Variants in TRAM2 observed in about 807,000 individuals in gnomAD.
The protein encoded by TRAM2 is translocation associated membrane protein 2.
Under a neutral mutation model 51.0 loss-of-function variants are expected in TRAM2, and 12 were observed. The observed-to-expected ratio is 0.24, with a 90% CI of 0.15 to 0.38. The LOEUF (loss-of-function observed/expected upper bound fraction) is 0.38, where lower values mean the gene tolerates loss of function less well. Ranked by LOEUF, TRAM2 falls within the 10% of genes least tolerant of loss-of-function variation. The pLI is 1.00. For synonymous variants in TRAM2, 175 were observed against 179.4 expected (o/e 0.98, Z 0.20); for missense variants, 361 against 462.0 (o/e 0.78, Z 2.00).
intron 7 of TRAM2, 40 bp from the exon 8 acceptor site, chr6:52,506,176 T>A: frequency 6.4e-7 from 1 of 1,574,002 alleles, no homozygotes. Context: ...CCCTCCAAGA[T>A]GCTGCGTGGA....
chr6:52,556,376 G>A (rs1354988376), intron 1 of TRAM2, among the ~76,000 whole-genome samples: 1 of 151,880 alleles, frequency 6.6e-6, no homozygotes, highest in Non-Finnish European at 1.5e-5. Context: ...CACCTCCCGG[G>A]TTCAAGTGAT....
chr6:52,554,141 A>G (rs369363501), intron 1 of TRAM2, among the ~76,000 whole-genome samples: 2 of 151,940 alleles, frequency 1.3e-5, no homozygotes, highest in Non-Finnish European at 2.9e-5. Flanking sequence ...GAACCCCTCA[A>G]TGTTACCACC....
intron 1 of TRAM2, among the ~76,000 whole-genome samples, chr6:52,560,585 G>A (rs1471724893): frequency 1.3e-5 from 2 of 152,170 alleles, no homozygotes; most frequent in African/African-American, 2.4e-5. Context: ...TATTTCAAAC[G>A]AAGTCTGCCG....
chr6:52,522,842 C>T (rs1389832235), intron 2 of TRAM2: 9 of 696,526 alleles, frequency 1.3e-5, no homozygotes, highest in Non-Finnish European at 2.1e-5. Context: ...CCTCCTGCTC[C>T]GTTTCCTATG....
intron 1 of TRAM2, among the ~76,000 whole-genome samples, chr6:52,543,473 G>A (rs189498392): frequency 1.3e-5 from 2 of 152,252 alleles, no homozygotes; most frequent in Admixed American, 1.3e-4. Flanking sequence ...AGAACAAAAT[G>A]TTTTTACTTT....
intron 2 of TRAM2, among the ~76,000 whole-genome samples, chr6:52,526,154 C>CACAG (rs1766776352): frequency 6.0e-3 from 3 of 500 alleles, no homozygotes; most frequent in African/African-American, 0.022. Context: ...CACAGACAGA[C>CACAG]ACACACACAC....
chr6:52,576,883 C>A lies in TRAM2; in HGVS notation c.33G>T (p.Pro11=), dbSNP rs770678358. 4 of 1,613,346 alleles carry A rather than the reference C, an allele frequency of 2.5e-6. No individual in the cohort carries two copies. In the South Asian group the frequency reaches 4.4e-5, roughly 18 times the overall value. Residue 11 remains proline (P), a synonymous_variant, in exon 1 of 11, where the codon CCG becomes CCT. Coordinates refer to ENST00000182527, the MANE Select transcript of TRAM2 (RefSeq NM_012288.4). MAFRRRTKSY[P]LFSQEFVIHN... is the part of the protein sequence containing the mutation. The stretch of plus-strand genomic sequence containing the variant: ...GGATGACGAACTCCTGGCTGAAGAG[C>A]GGGTAACTTTTCGTCCTCCTGCGGA...
At chr6:52,573,424 G>A (rs189271284) in intron 1 of TRAM2, among the ~76,000 whole-genome samples, 17 of 152,268 alleles carry the variant, frequency 1.1e-4, no homozygotes, top group East Asian at 3.9e-4. Context: ...CAGACTTAAC[G>A]GTGGAAAGGA....
intron 2 of TRAM2, among the ~76,000 whole-genome samples, chr6:52,526,454 T>C (rs536100845): frequency 6.6e-6 from 1 of 152,294 alleles, no homozygotes; most frequent in Middle Eastern, 3.4e-3. Flanking sequence ...TGGCACAATC[T>C]CAGCTCACTG....
At chr6:52,534,843 T>TC (rs944457014) in intron 2 of TRAM2, among the ~76,000 whole-genome samples, 14 of 152,192 alleles carry the variant, frequency 9.2e-5, no homozygotes, top group Admixed American at 8.5e-4. Context: ...GCCTTGCTGC[T>TC]CCTTGAGCTG....
chr6:52,504,742 C>T lies in TRAM2; in HGVS notation c.888G>A (p.Leu296=). 1 of 1,606,910 alleles carries T rather than the reference C, an allele frequency of 6.2e-7. No homozygotes were observed. The highest frequency in any genetic ancestry group is 8.5e-7 in the Non-Finnish European group (1 of 1,177,928). ...AGGCCTGGGCGGCACACACCAGCAG[C>T]AGCACGCAGAGCCTGCAGAGCAGGG... ...FNTLFCRLCV[L]LLVCAAQAWL... Residue 296 remains leucine (L), a synonymous_variant, in exon 10 of 11, where the codon CTG becomes CTA. Transcript: ENST00000182527.
chr6:52,558,389 C>T (rs577307532), intron 1 of TRAM2, among the ~76,000 whole-genome samples: 2 of 152,226 alleles, frequency 1.3e-5, no homozygotes, highest in African/African-American at 4.8e-5. Context: ...TCTGTCTTCC[C>T]CATTAGACTG....
intron 5 of TRAM2, among the ~76,000 whole-genome samples, 178 bp from the exon 6 acceptor site, chr6:52,508,496 T>C (rs972408956): frequency 2.0e-5 from 3 of 152,344 alleles, no homozygotes; most frequent in Admixed American, 1.3e-4. Flanking sequence ...GGCTTCTCCA[T>C]TGGCCTGTGC....
chr6:52,571,854 C>T (rs1449543007), intron 1 of TRAM2, among the ~76,000 whole-genome samples: 3 of 152,216 alleles, frequency 2.0e-5, no homozygotes, highest in Non-Finnish European at 4.4e-5. Context: ...AAGTCAGTAC[C>T]AATAGTCATC....
chr6:52,552,987 C>T (rs963471242), intron 1 of TRAM2, among the ~76,000 whole-genome samples: 8 of 152,152 alleles, frequency 5.3e-5, no homozygotes, highest in Admixed American at 2.6e-4. Flanking sequence ...TCATTTGCCA[C>T]CAGCCTGTAG....
At position 52,516,010 on chromosome 6, in the gene TRAM2, A is replaced by T. The variant is rs749967299; in HGVS notation, c.407T>A (p.Val136Glu). The T allele has an allele frequency of 1.5e-5, 25 of 1,614,014 alleles. No homozygotes were observed. The East Asian group carries it at 5.3e-4, about 35-fold the overall frequency. ...GCAGTCCTGAGAATGGCTCACCGTC[A>T]CCACCACGTAGAAGCACCAAATCAC... ...TSVIWCFYVV[V>E]TEGYLTNPRS... Residue 136 changes from valine (V) to glutamate (E), a missense_variant, in exon 4 of 11, where the codon GTG becomes GAG. Transcript: ENST00000182527.
chr6:52,518,754 C>T (rs1409389692), intron 2 of TRAM2, among the ~76,000 whole-genome samples: 2 of 152,154 alleles, frequency 1.3e-5, no homozygotes, highest in African/African-American at 4.8e-5. Context: ...CTCCACTCTA[C>T]CACATGTGAC....
intron 1 of TRAM2, among the ~76,000 whole-genome samples, chr6:52,540,197 T>C (rs1157382646): frequency 1.3e-5 from 2 of 151,612 alleles, no homozygotes; most frequent in East Asian, 3.9e-4. Flanking sequence ...CACAGAGAGA[T>C]AAAGTAGCCT....
intron 4 of TRAM2, among the ~76,000 whole-genome samples, chr6:52,513,816 A>G (rs1406472783): frequency 2.6e-5 from 4 of 152,240 alleles, no homozygotes; most frequent in Non-Finnish European, 4.4e-5. Context: ...TCTGTTTTAA[A>G]AGATCCATCT....
Sources: allele counts gnomAD v4.1 joint callset (sites outside exome capture counted in the v4.1 genomes callset), GRCh38; gene constraint gnomAD v4.1.1; transcripts MANE v1.5; gene names NCBI Gene and HGNC (gene_info 2026-07-23, HGNC 2026-07-21).